Variants in SYCE1L observed in about 807,000 individuals in gnomAD.
SYCE1L encodes the protein synaptonemal complex central element protein 1 like, also known as synaptonemal complex central element protein 1-like.
Under a neutral mutation model 39.6 loss-of-function variants are expected in SYCE1L, and 51 were observed. The ratio of observed to expected loss-of-function variants is 1.29; its 90% confidence interval spans 1.03 to 1.63. The LOEUF (loss-of-function observed/expected upper bound fraction) is 1.63, where lower values mean the gene tolerates loss of function less well. Ranked by LOEUF, SYCE1L falls within the 40% of genes most tolerant of loss-of-function variation. The pLI is 0.00. For synonymous variants in SYCE1L, 147 were observed against 122.4 expected (o/e 1.20, Z -1.33); for missense variants, 426 against 304.9 (o/e 1.40, Z -2.96).
At chr16:77,209,901 G>A (rs2054810864) in intron 6 of SYCE1L, among the ~76,000 whole-genome samples, 1 of 152,204 alleles carries the variant, frequency 6.6e-6, no homozygotes, top group South Asian at 2.1e-4. Flanking sequence ...CCAGATGGCT[G>A]TTTTATCTCC....
At chr16:77,207,407 T>C (rs2054792922) in intron 2 of SYCE1L, among the ~76,000 whole-genome samples, 1 of 117,256 alleles carries the variant, frequency 8.5e-6, no homozygotes, top group Non-Finnish European at 2.2e-5. Context: ...TACAGAGCAC[T>C]GAAACAGGGG....
In SYCE1L at chr16:77,212,968, G is replaced by C. The variant is rs1008313594; in HGVS notation, c.*37G>C. The C allele has an allele frequency of 6.9e-7, 1 of 1,459,014 alleles. No individual in the cohort carries two copies. Among genetic ancestry groups the C allele is most frequent in the African/African-American group, 1.4e-5 (1 of 69,370 alleles). 90.4% of individuals were successfully genotyped at this position (1,459,014 alleles called of 1,614,324 possible). On this transcript the variant is annotated 3_prime_UTR_variant, in exon 11 of 11. Coordinates refer to ENST00000378644, the MANE Select transcript of SYCE1L (RefSeq NM_001129979.3). Reference sequence around the variant, plus strand: ...CCGCCCGTTCCCGACCTTCCCTCGAGACCCGCCAAGAAATAAAGGCGATGA... The same window carrying C: ...CCGCCCGTTCCCGACCTTCCCTCGACACCCGCCAAGAAATAAAGGCGATGA...
intron 1 of SYCE1L, chr16:77,200,746 C>CAAAAAAAAGAAA: frequency 1.2e-5 from 1 of 84,838 alleles, no homozygotes; most frequent in Non-Finnish European, 2.3e-5. Flanking sequence ...ACAGAGTGAG[C>CAAAAAAAAGAAA]AAAAAAAAAA....
chr16:77,202,017 A>T (rs2054748693), intron 1 of SYCE1L: 1 of 152,198 alleles, frequency 6.6e-6, no homozygotes, highest in African/African-American at 2.4e-5. Flanking sequence ...TTTTGGGAGT[A>T]GTGCAGAGGT....
chr16:77,212,774 G>T, intron 10 of SYCE1L, 83 bp from the exon 11 acceptor site: 1 of 1,421,292 alleles, frequency 7.0e-7, no homozygotes, highest in Non-Finnish European at 9.2e-7. Flanking sequence ...GACAGAGGAA[G>T]CCGCGGTGGA....
At chr16:77,211,096 T>C (rs2054819134) in intron 6 of SYCE1L, 117 bp from the exon 7 acceptor site, 9 of 1,140,336 alleles carry the variant, frequency 7.9e-6, no homozygotes, top group Non-Finnish European at 1.2e-5. Context: ...ATAAAACCCA[T>C]GAAGGGGCTC....
At chr16:77,212,430 C>G (rs866515690) in intron 9 of SYCE1L, 61 bp downstream of exon 9, 25 of 1,532,398 alleles carry the variant, frequency 1.6e-5, no homozygotes, top group Non-Finnish European at 1.7e-5. Flanking sequence ...GGAACCCGCC[C>G]AGGTCCCCCG....
intron 7 of SYCE1L, 90 bp downstream of exon 7, chr16:77,211,366 T>G: frequency 7.0e-7 from 1 of 1,432,004 alleles, no homozygotes; most frequent in Non-Finnish European, 9.6e-7. Context: ...CTGCCCAGGC[T>G]CAATGCCGCG....
rs1445555489 is a variant in SYCE1L, at chr16:77,212,156, G to C, written c.450G>C (p.Glu150Asp). 6.5e-7 allele frequency: 1 copy of C among 1,549,090 alleles called. No homozygotes were observed. Among genetic ancestry groups the C allele is most frequent in the Non-Finnish European group, 8.7e-7 (1 of 1,146,496 alleles). The stretch of plus-strand genomic sequence containing the variant: ...TGCTGGAGCAGCGACTGGCCCGGGA[G>C]ATCCGTGCCCTGGAGAGAAGCAAGG... ...FHMLEQRLAR[E>D]IRALERSKEQ... The change falls in exon 8 of 11, where the codon GAG (glutamate) becomes GAC (aspartate). Residue 150 changes from glutamate to aspartate, a missense_variant. Glu to Asp is a conservative substitution (Grantham distance 45, BLOSUM62 2). Transcript: ENST00000378644.
chr16:77,200,663 G>A (rs1163373369), intron 1 of SYCE1L: 1 of 150,472 alleles, frequency 6.6e-6, no homozygotes, highest in Non-Finnish European at 1.5e-5. Flanking sequence ...GGCTGAGGCA[G>A]GGGAATTGCT....
At chr16:77,205,595 T>G (rs530473123) in intron 1 of SYCE1L, among the ~76,000 whole-genome samples, 2 of 152,170 alleles carry the variant, frequency 1.3e-5, no homozygotes, top group African/African-American at 2.4e-5. Context: ...TACAACTTAT[T>G]TGTGGAAGAA....
chr16:77,206,358 G>A, intron 1 of SYCE1L, 83 bp from the exon 2 acceptor site: 1 of 1,268,800 alleles, frequency 7.9e-7, no homozygotes, highest in Non-Finnish European at 1.1e-6. Flanking sequence ...GGTGTCTGCA[G>A]AGCCCACTGG....
chr16:77,212,736 G>A, intron 10 of SYCE1L, 90 bp downstream of exon 10: 1 of 1,435,926 alleles, frequency 7.0e-7, no homozygotes, highest in Non-Finnish European at 9.1e-7. Flanking sequence ...CCGAGAGTGG[G>A]GTCTGTGGGG....
chr16:77,200,619 G>C (rs368447139), intron 1 of SYCE1L: 16 of 151,948 alleles, frequency 1.1e-4, no homozygotes, highest in Non-Finnish European at 1.9e-4. Context: ...GTCCGGGTGT[G>C]GTGGCGGGCG....
At chr16:77,207,881 C>A (rs531558244) in intron 2 of SYCE1L, among the ~76,000 whole-genome samples, 5 of 152,286 alleles carry the variant, frequency 3.3e-5, no homozygotes, top group Non-Finnish European at 7.4e-5. Context: ...CCCCACAGAA[C>A]TGCAGGACCT....
In SYCE1L at chr16:77,209,408, T is replaced by TC. The variant is rs1382273153; in HGVS notation, c.305-5dup. On this transcript the variant is annotated splice_polypyrimidine_tract_variant and intron_variant, in intron 5 of 10. Coordinates refer to ENST00000378644, the MANE Select transcript of SYCE1L (RefSeq NM_001129979.3). ...CTCTCAAAGGGTCCCCTTGGTTCCTTCCCCACAGAGGCACTGAGGATCCTC... is the reference window on the plus strand; with the variant it reads ...CTCTCAAAGGGTCCCCTTGGTTCCTTCCCCCACAGAGGCACTGAGGATCCTC... 1 of 1,551,486 alleles carries TC rather than the reference T, an allele frequency of 6.4e-7. No homozygotes were observed. The highest frequency in any genetic ancestry group is 8.7e-7 in the Non-Finnish European group (1 of 1,146,986).
intron 1 of SYCE1L, chr16:77,201,966 T>C (rs2054748188): frequency 6.6e-6 from 1 of 152,154 alleles, no homozygotes; most frequent in South Asian, 2.1e-4. Context: ...AGTATCTGAA[T>C]GATAAAGGCC....
intron 6 of SYCE1L, 87 bp downstream of exon 6, chr16:77,209,558 C>T: frequency 1.4e-6 from 2 of 1,415,626 alleles, no homozygotes; most frequent in South Asian, 1.3e-5. Flanking sequence ...ATCTTGGACA[C>T]AGAAGCCTCA....
At chr16:77,209,563 G>C in intron 6 of SYCE1L, 92 bp downstream of exon 6, 1 of 1,394,662 alleles carries the variant, frequency 7.2e-7, no homozygotes, top group Non-Finnish European at 9.9e-7. Context: ...GGACACAGAA[G>C]CCTCATTTTA....
Sources: gnomAD v4.1 joint callset for allele counts (sites outside exome capture counted in the v4.1 genomes callset) on GRCh38, gnomAD v4.1.1 for gene constraint, MANE v1.5 for transcripts, NCBI Gene and HGNC (gene_info 2026-07-23, HGNC 2026-07-21) for gene names.